Variants in CNTN6 observed in about 807,000 individuals in gnomAD.
CNTN6 encodes contactin 6, also known as contactin-6.
In CNTN6, 137 loss-of-function variants were observed where a neutral mutation model predicts 122.8. The observed-to-expected ratio is 1.12, with a 90% CI of 0.97 to 1.29. The LOEUF (loss-of-function observed/expected upper bound fraction) is 1.29. Ranked by LOEUF, CNTN6 falls within the 50% of genes most tolerant of loss-of-function variation. The pLI is 0.00. For missense variants in CNTN6, 1,634 were observed against 1,223.4 expected, an observed-to-expected ratio of 1.34 and a Z score of -5.01; for synonymous variants, 570 against 426.0, an observed-to-expected ratio of 1.34 and a Z score of -4.16.
chr3:1,095,723 T>G (rs947752681), intron 1 of CNTN6, among the ~76,000 whole-genome samples: 4 of 152,216 alleles, frequency 2.6e-5, no homozygotes, highest in African/African-American at 9.7e-5. Flanking sequence ...AAACAAACTT[T>G]TATAACCCTT....
intron 1 of CNTN6, among the ~76,000 whole-genome samples, chr3:1,123,367 C>G (rs979530349): frequency 2.0e-5 from 3 of 151,796 alleles, no homozygotes; most frequent in African/African-American, 7.2e-5. Flanking sequence ...TTCACTTTCT[C>G]TGTTACATTT....
intron 1 of CNTN6, among the ~76,000 whole-genome samples, chr3:1,145,197 T>C (rs1014314312): frequency 1.1e-4 from 17 of 152,326 alleles, no homozygotes; most frequent in African/African-American, 4.1e-4. Context: ...GATCAACGGG[T>C]TTATTATCTC....
chr3:1,282,287 G>C (rs1693601947), intron 5 of CNTN6, among the ~76,000 whole-genome samples: 1 of 152,204 alleles, frequency 6.6e-6, no homozygotes, highest in Non-Finnish European at 1.5e-5. Context: ...TTGAAGCACA[G>C]ATGCAAATGT....
chr3:1,233,659 C>T (rs781636907), intron 4 of CNTN6, among the ~76,000 whole-genome samples: 78 of 136,406 alleles, frequency 5.7e-4, no homozygotes, highest in Non-Finnish European at 1.0e-3. Flanking sequence ...CGCGTGAACC[C>T]GGGAGGCAGA....
At chr3:1,198,403 CAT>C (rs1301563621) in intron 2 of CNTN6, among the ~76,000 whole-genome samples, 3 of 152,136 alleles carry the variant, frequency 2.0e-5, no homozygotes, top group Admixed American at 1.3e-4. Context: ...CCCCACACAA[CAT>C]GTGTTACCAC....
At chr3:1,285,589 G>A (rs534875757) in intron 5 of CNTN6, among the ~76,000 whole-genome samples, 38 of 152,194 alleles carry the variant, frequency 2.5e-4, no homozygotes, top group South Asian at 4.2e-4. Flanking sequence ...ATACTTCAAC[G>A]CATTTAACAT....
At chr3:1,290,064 T>C (rs1239089732) in intron 5 of CNTN6, among the ~76,000 whole-genome samples, 2 of 152,188 alleles carry the variant, frequency 1.3e-5, no homozygotes, top group African/African-American at 4.8e-5. Context: ...AATGCAGATT[T>C]CCTGGCTCCT....
intron 16 of CNTN6, among the ~76,000 whole-genome samples, chr3:1,375,788 T>C (rs1374690200): frequency 6.6e-6 from 1 of 152,008 alleles, no homozygotes; most frequent in Non-Finnish European, 1.5e-5. Context: ...AAGGGTAAAT[T>C]TAAATACGAA....
intron 1 of CNTN6, among the ~76,000 whole-genome samples, chr3:1,122,747 A>G (rs1469864329): frequency 6.6e-6 from 1 of 151,824 alleles, no homozygotes; most frequent in Admixed American, 6.6e-5. Flanking sequence ...TAATATTTTC[A>G]AGGTTTATCT....
rs759180217 is a variant in CNTN6 at position 1,372,376 on chromosome 3, TCCCATGACCC to T, written c.1572_1581del (p.His525ProfsTer15). The T allele has an allele frequency of 6.2e-7, 1 of 1,613,542 alleles. No homozygotes were observed. Among genetic ancestry groups the T allele is most frequent in the East Asian group, 2.2e-5 (1 of 44,834 alleles). ...GAGTATAGTGCTACCATGCCAGGTGTCCCATGACCCCTCCATTGAAGTGGTATTTGTATGG... is the reference window on the plus strand; with the variant it reads ...GAGTATAGTGCTACCATGCCAGGTGTCTCCATTGAAGTGGTATTTGTATGG... On this transcript the variant is annotated frameshift_variant, in exon 13 of 23. Coordinates refer to ENST00000446702, the MANE Select transcript of CNTN6 (RefSeq NM_001289080.2). LOFTEE classifies it high-confidence loss of function.
At chr3:1,333,594 G>A (rs528409405) in intron 11 of CNTN6, among the ~76,000 whole-genome samples, 13 of 152,170 alleles carry the variant, frequency 8.5e-5, no homozygotes, top group Non-Finnish European at 1.6e-4. Context: ...TTTAGTTTCT[G>A]TTGTAAAACT....
chr3:1,138,637 T>C (rs867346053), intron 1 of CNTN6, among the ~76,000 whole-genome samples: 1 of 152,196 alleles, frequency 6.6e-6, no homozygotes, highest in Middle Eastern at 3.4e-3. Context: ...ACCACTCTAA[T>C]ATTGCTCACA....
At chr3:1,328,430 AGCTTATGG>A (rs1701833007) in intron 10 of CNTN6, among the ~76,000 whole-genome samples, 1 of 151,730 alleles carries the variant, frequency 6.6e-6, no homozygotes, top group Admixed American at 6.6e-5. Flanking sequence ...AAGTTTTATG[AGCTTATGG>A]GTGATGAGCA....
chr3:1,221,385 A>G (rs1464718928), intron 3 of CNTN6, among the ~76,000 whole-genome samples: 1 of 152,196 alleles, frequency 6.6e-6, no homozygotes, highest in Non-Finnish European at 1.5e-5. Flanking sequence ...GATTATGAAA[A>G]TGTTCTATAA....
intron 7 of CNTN6, among the ~76,000 whole-genome samples, chr3:1,311,415 CTT>C (rs1462433265): frequency 1.3e-4 from 9 of 70,744 alleles, no homozygotes; most frequent in African/African-American, 4.1e-4. Flanking sequence ...TATAAAATGT[CTT>C]TATATGTACA....
intron 1 of CNTN6, among the ~76,000 whole-genome samples, chr3:1,109,450 A>G (rs1413432486): frequency 6.6e-6 from 1 of 152,056 alleles, no homozygotes; most frequent in Admixed American, 6.6e-5. Context: ...AAAATAATAT[A>G]AATATTATCT....
chr3:1,160,344 G>GTATGTATATATATATATATATATATA (rs1158623079), intron 2 of CNTN6, among the ~76,000 whole-genome samples: 3 of 111,132 alleles, frequency 2.7e-5, no homozygotes, highest in South Asian at 6.6e-4. Flanking sequence ...TACTTTTACT[G>GTATGTATATATATATATATATATATA]TATATATATA....
chr3:1,312,594 T>A (rs1363862610), intron 7 of CNTN6, among the ~76,000 whole-genome samples: 2 of 140,560 alleles, frequency 1.4e-5, no homozygotes, highest in African/African-American at 5.5e-5. Flanking sequence ...TCTCCGTGAT[T>A]TCACCTTTTG....
At chr3:1,272,985 A>G (rs955565023) in intron 4 of CNTN6, among the ~76,000 whole-genome samples, 1 of 152,100 alleles carries the variant, frequency 6.6e-6, no homozygotes, top group African/African-American at 2.4e-5. Context: ...TGGCCCAGTA[A>G]TTCTTTAAAG....
Sources: allele counts gnomAD v4.1 joint callset (sites outside exome capture counted in the v4.1 genomes callset), GRCh38; gene constraint gnomAD v4.1.1; transcripts MANE v1.5; gene names NCBI Gene and HGNC (gene_info 2026-07-23, HGNC 2026-07-21).